The following TGFBRAP1 variants were observed in gnomAD, a reference collection of about 807,000 sequenced individuals.
TGFBRAP1 encodes transforming growth factor beta receptor associated protein 1.
TGFBRAP1 carries 20 observed loss-of-function variants against 83.2 expected under a neutral mutation model. The ratio of observed to expected loss-of-function variants is 0.24; its 90% CI spans 0.17 to 0.35. The LOEUF (loss-of-function observed/expected upper bound fraction) is 0.35. TGFBRAP1 is among the 10% of genes least tolerant of loss of function. The probability of loss-of-function intolerance (pLI) is 1.00; values close to 1 mark genes in which losing one functional copy is unlikely to be tolerated. For synonymous variants in TGFBRAP1, 415 were observed against 459.8 expected (o/e 0.90, Z 1.25); for missense variants, 950 against 1,099.4 (o/e 0.86, Z 1.92).
chr2:105,255,987 C>G, the TGFBRAP1 span, among the ~76,000 whole-genome samples: 2 of 152,208 alleles, frequency 1.3e-5, no homozygotes, highest in African/African-American at 4.8e-5. Flanking sequence ...CAGCAGTCAT[C>G]TCCTGATCTG....
At chr2:105,290,347 G>A (rs1051951679) in intron 4 of TGFBRAP1, among the ~76,000 whole-genome samples, 1 of 152,162 alleles carries the variant, frequency 6.6e-6, no homozygotes, top group African/African-American at 2.4e-5. Context: ...GATTAGAGGC[G>A]TGAGTCGCTG....
At chr2:105,281,996 G>A (rs953780737) in intron 5 of TGFBRAP1, among the ~76,000 whole-genome samples, 16 of 152,146 alleles carry the variant, frequency 1.1e-4, no homozygotes, top group African/African-American at 3.9e-4. Context: ...CGTCTACAGT[G>A]CCACAGCTGA....
At position 105,272,047 on chromosome 2, in the gene TGFBRAP1, C is replaced by T. The variant is rs1053246181; in HGVS notation, c.1972+808G>A. 5.3e-5 allele frequency among the ~76,000 whole-genome samples: 8 copies of T among 152,276 alleles called. No homozygotes were observed. In the East Asian group the frequency reaches 1.5e-3, roughly 29 times the overall value. ...TGTGATGTGCTTTATGGAGACAACA[C>T]GTGTGTTAGATATGCTTTGTTATTG... On this transcript the variant is annotated intron_variant, in intron 10 of 11. Transcript: ENST00000393359.
At chr2:105,277,346 G>A (rs1677384231) in intron 7 of TGFBRAP1, among the ~76,000 whole-genome samples, 1 of 151,456 alleles carries the variant, frequency 6.6e-6, no homozygotes, top group Non-Finnish European at 1.5e-5. Context: ...TTGGAACTCT[G>A]TGAGATCATA....
intron 2 of TGFBRAP1, among the ~76,000 whole-genome samples, chr2:105,302,666 G>C (rs2104384639): frequency 6.6e-6 from 1 of 152,340 alleles, no homozygotes; most frequent in Non-Finnish European, 1.5e-5. Context: ...ACCTATGGGA[G>C]AGGGAGACTT....
At chr2:105,326,889 A>G (rs991253424) in intron 1 of TGFBRAP1, among the ~76,000 whole-genome samples, 3 of 152,224 alleles carry the variant, frequency 2.0e-5, no homozygotes, top group African/African-American at 7.2e-5. Flanking sequence ...GCAAGATTTC[A>G]TAATTCACTT....
the TGFBRAP1 span, among the ~76,000 whole-genome samples, chr2:105,250,782 T>C: frequency 1.3e-5 from 2 of 152,180 alleles, no homozygotes; most frequent in East Asian, 3.9e-4. Flanking sequence ...GCCTGCCGAG[T>C]GCCTGCGATT....
chr2:105,268,750 A>G (rs1677034316), intron 11 of TGFBRAP1, among the ~76,000 whole-genome samples: 1 of 152,250 alleles, frequency 6.6e-6, no homozygotes, highest in African/African-American at 2.4e-5. Context: ...TAGGCCCACA[A>G]GAAAGAAGTC....
chr2:105,291,334 C>G (rs1259000845), intron 4 of TGFBRAP1, among the ~76,000 whole-genome samples: 3 of 152,194 alleles, frequency 2.0e-5, no homozygotes, highest in African/African-American at 7.2e-5. Context: ...ACACCTGGAT[C>G]TTGGCCTCCA....
chr2:105,283,094 A>C (rs1677598851), intron 5 of TGFBRAP1, among the ~76,000 whole-genome samples: 1 of 152,184 alleles, frequency 6.6e-6, no homozygotes, highest in African/African-American at 2.4e-5. Flanking sequence ...GGTCTTCAAC[A>C]CTGTAGGGCT....
chr2:105,273,688 G>T lies in TGFBRAP1; in HGVS notation c.1668C>A (p.Val556=). Residue 556 remains valine, a splice_region_variant and synonymous_variant, in exon 9 of 12, where the codon GTC becomes GTA. Coordinates refer to ENST00000393359, the MANE Select transcript of TGFBRAP1 (RefSeq NM_004257.6). ...GTCTCTTGGTGAAAACCTGAACTCC[G>T]ACCTGAAAGAGGAGCGACAATACAG... ...ADWVLQKSEE[V]GVQVFTKRPL... 2 of 1,613,824 alleles carry T rather than the reference G, an allele frequency of 1.2e-6. No individual in the cohort carries two copies. Among genetic ancestry groups the T allele is most frequent in the South Asian group, 2.2e-5 (2 of 90,968 alleles).
rs144578020 is a variant in TGFBRAP1, at chr2:105,305,397, C to G, written c.688+2217G>C. Among the ~76,000 whole-genome samples the G allele has an allele frequency of 3.9e-3, 590 of 152,312 alleles. 2 individuals carry two copies. The highest frequency in any genetic ancestry group is 6.5e-3 in the Non-Finnish European group (444 of 68,036). ...CATCCCTGTACCATAAACACATACA[C>G]TAACTCTAATATGAGCCACCCCTGG... is the stretch of plus-strand genomic sequence containing the variant. On this transcript the variant is annotated intron_variant, in intron 2 of 11. Transcript: ENST00000393359.
intron 4 of TGFBRAP1, among the ~76,000 whole-genome samples, chr2:105,295,868 C>G (rs570581470): frequency 6.9e-5 from 10 of 145,650 alleles, no homozygotes; most frequent in African/African-American, 2.3e-4. Flanking sequence ...GGGGTTCCTA[C>G]AATACCAATT....
chr2:105,277,812 G>T, intron 6 of TGFBRAP1, 141 bp from the exon 7 acceptor site: 1 of 817,080 alleles, frequency 1.2e-6, no homozygotes, highest in Non-Finnish European at 2.1e-6. Context: ...CCAACACTTT[G>T]GAAGGCCAAG....
chr2:105,251,903 G>A, the TGFBRAP1 span, among the ~76,000 whole-genome samples: 11 of 149,474 alleles, frequency 7.4e-5, no homozygotes, highest in East Asian at 1.7e-3. Flanking sequence ...ATGGATTAAG[G>A]GTGGTGCAAG....
the TGFBRAP1 span, among the ~76,000 whole-genome samples, chr2:105,250,199 A>G: frequency 6.6e-6 from 1 of 152,166 alleles, no homozygotes; most frequent in East Asian, 1.9e-4. Context: ...TGTGTGAGAA[A>G]CACTTAGATG....
At position 105,269,440 on chromosome 2, in the gene TGFBRAP1, G is replaced by A. The variant is rs763610405; in HGVS notation, c.2238C>T (p.Thr746=). Residue 746 remains threonine (T), a synonymous_variant, in exon 11 of 12, where the codon ACC becomes ACT. Coordinates refer to ENST00000393359, the MANE Select transcript of TGFBRAP1 (RefSeq NM_004257.6). The surrounding 1 kb of genome is among the most constrained non-coding windows in gnomAD (Gnocchi z 4.1). ...AAVDLLNRHA[T]EFDAAQVLQM... is the part of the protein sequence containing the mutation. Reference sequence around the variant, plus strand: ...GCAGCACCTGGGCTGCATCAAATTCGGTGGCGTGGCGGTTCAGCAGGTCCA... The same window carrying A: ...GCAGCACCTGGGCTGCATCAAATTCAGTGGCGTGGCGGTTCAGCAGGTCCA... 35 of 1,613,778 alleles carry A rather than the reference G, an allele frequency of 2.2e-5. No individual in the cohort carries two copies. The highest frequency in any genetic ancestry group is 7.7e-5 in the South Asian group (7 of 91,066).
intron 1 of TGFBRAP1, among the ~76,000 whole-genome samples, chr2:105,316,850 GA>G (rs1242539580): frequency 6.6e-6 from 1 of 151,232 alleles, no homozygotes; most frequent in Non-Finnish European, 1.5e-5. Context: ...GAAAGGGCCA[GA>G]AAAAGTTAGA....
At chr2:105,282,030 T>C (rs1677554924) in intron 5 of TGFBRAP1, among the ~76,000 whole-genome samples, 1 of 152,088 alleles carries the variant, frequency 6.6e-6, no homozygotes, top group Non-Finnish European at 1.5e-5. Flanking sequence ...AAAGTACAAT[T>C]CTTGATTTGA....
Sources: allele counts gnomAD v4.1 joint callset (sites outside exome capture counted in the v4.1 genomes callset), GRCh38; gene constraint gnomAD v4.1.1; non-coding constraint Gnocchi (gnomAD v3.1); transcripts MANE v1.5; gene names NCBI Gene and HGNC (gene_info 2026-07-23, HGNC 2026-07-21).